The following ANXA11 variants were observed in gnomAD, a reference collection of about 807,000 sequenced individuals.
The protein encoded by ANXA11 is 56 kDa autoantigen.
ANXA11 carries 57 observed loss-of-function variants against 64.7 expected under a neutral mutation model. The observed-to-expected ratio is 0.88, with a 90% CI of 0.71 to 1.10. The LOEUF (loss-of-function observed/expected upper bound fraction) is 1.10. Among genes scored for constraint, ANXA11 ranks in the 50% least tolerant of loss-of-function variants. The pLI is 0.00. For synonymous variants in ANXA11, 260 were observed against 265.2 expected (o/e 0.98, Z 0.19); for missense variants, 675 against 670.7 (o/e 1.01, Z -0.07).
intron 15 of ANXA11, chr10:80,157,016 A>G: frequency 1.0e-6 from 1 of 985,446 alleles, no homozygotes; most frequent in Non-Finnish European, 1.2e-6. Flanking sequence ...TGGCTCTGCC[A>G]CACAGCGATA....
At chr10:80,189,108 G>A (rs909270443) in intron 1 of ANXA11, among the ~76,000 whole-genome samples, 4 of 152,196 alleles carry the variant, frequency 2.6e-5, no homozygotes, top group African/African-American at 9.7e-5. Context: ...AGGGTTACCC[G>A]CCATGAAATG....
In ANXA11 at chr10:80,163,558, C is replaced by T. The variant is rs765176261; in HGVS notation, c.1005G>A (p.Gln335=). The change falls in exon 10 of 16, where the codon CAG becomes CAA. Residue 335 remains glutamine, a synonymous_variant. Transcript: ENST00000422982. ...AIRSDTSGHF[Q]RLLISLSQGN... ...CCTGAGAGAGAGAGATGAGGAGCCGCTGGAAGTGCCCTGATGTGTCGCTTC... is the reference window on the plus strand; with the variant it reads ...CCTGAGAGAGAGAGATGAGGAGCCGTTGGAAGTGCCCTGATGTGTCGCTTC... 9 of 1,574,616 alleles carry T rather than the reference C, an allele frequency of 5.7e-6. No individual in the cohort carries two copies. In the Admixed American group the frequency reaches 1.5e-4, roughly 26 times the overall value.
At chr10:80,204,431 G>GCAGGT (rs1240199990) in intron 1 of ANXA11, among the ~76,000 whole-genome samples, 7 of 152,242 alleles carry the variant, frequency 4.6e-5, no homozygotes, top group Non-Finnish European at 8.8e-5. Flanking sequence ...GCAGGGCAGG[G>GCAGGT]CAGGGCAGGG....
intron 1 of ANXA11, among the ~76,000 whole-genome samples, chr10:80,193,534 T>A (rs1480676237): frequency 6.6e-6 from 1 of 152,104 alleles, no homozygotes; most frequent in Admixed American, 6.5e-5. Flanking sequence ...TCCTTTATCA[T>A]CTAACTTTAG....
At chr10:80,170,554 G>A (rs1398309306) in intron 4 of ANXA11, among the ~76,000 whole-genome samples, 1 of 152,168 alleles carries the variant, frequency 6.6e-6, no homozygotes, top group Admixed American at 6.5e-5. Context: ...GGGCTGAAAG[G>A]GACCTGTGAG....
Position 80,166,903 on chromosome 10 carries a change from G to A in ANXA11, c.731C>T (p.Thr244Met), listed in dbSNP as rs41310298. The change falls in exon 7 of 16, where the codon ACG (threonine) becomes ATG (methionine). Residue 244 changes from threonine (T) to methionine (M), a missense_variant. Thr to Met is a moderately conservative substitution (Grantham distance 81, BLOSUM62 -1). Coordinates refer to ENST00000422982, the MANE Select transcript of ANXA11 (RefSeq NM_145868.2). ...CCCGCAGCTCGCCTTGCCGTAAGCC[G>A]TCTTGAAGGAAAGTAGGATCTGCTG... is the stretch of plus-strand genomic sequence containing the variant. ...QRQQILLSFK[T>M]AYGKDLIKDL... 3.3e-3 allele frequency: 5,367 copies of A among 1,607,262 alleles called. 18 individuals are homozygous for A. Among genetic ancestry groups the A allele is most frequent in the Non-Finnish European group, 4.2e-3 (4,997 of 1,177,518 alleles).
At chr10:80,165,347 C>T (rs1845678874) in intron 8 of ANXA11, among the ~76,000 whole-genome samples, 1 of 152,210 alleles carries the variant, frequency 6.6e-6, no homozygotes, top group Non-Finnish European at 1.5e-5. Flanking sequence ...CTGCCTGCCC[C>T]TGCCTGCAGG....
In ANXA11 at chr10:80,173,257, G is replaced by A. The variant is rs12263046; in HGVS notation, c.-8-388C>T. 6.4e-3 allele frequency among the ~76,000 whole-genome samples: 971 copies of A among 152,316 alleles called. 5 individuals are homozygous for A. Among genetic ancestry groups the A allele is most frequent in the African/African-American group, 0.022 (903 of 41,566 alleles). ...TAGAGACGCACTGCCTCATTCTCAG[G>A]ACTCCAGGTCTGTCTATTTATCTTC... On this transcript the variant is annotated intron_variant, in intron 2 of 15. Coordinates refer to ENST00000422982, the MANE Select transcript of ANXA11 (RefSeq NM_145868.2).
chr10:80,166,046 A>ACGCATGCGCGCGTGTG, intron 8 of ANXA11, 38 bp downstream of exon 8: 1 of 305,168 alleles, frequency 3.3e-6, no homozygotes, highest in African/African-American at 3.3e-5. Context: ...ACGCGCGCAC[A>ACGCATGCGCGCGTGTG]CACACACACA....
chr10:80,166,020 GCGCGCGTGCGCACACACGCGCGCACA>G, intron 8 of ANXA11, 38 bp downstream of exon 8: 2 of 1,030,366 alleles, frequency 1.9e-6, no homozygotes, highest in Admixed American at 2.1e-5. Flanking sequence ...CCACACGCAT[GCGCGCGTGCGCACACACGCGCGCACA>G]CACACACACA....
chr10:80,195,283 C>T (rs960726897), intron 1 of ANXA11, among the ~76,000 whole-genome samples: 1 of 152,220 alleles, frequency 6.6e-6, no homozygotes, highest in Non-Finnish European at 1.5e-5. Flanking sequence ...TCAAGGTCTG[C>T]TCTTCAGATG....
chr10:80,170,037 A>C (rs1420107616), intron 4 of ANXA11, among the ~76,000 whole-genome samples: 1 of 151,914 alleles, frequency 6.6e-6, no homozygotes, highest in African/African-American at 2.4e-5. Context: ...GCTAACTTAA[A>C]ATCATTATCC....
At chr10:80,205,298 G>A (rs77173562) in intron 1 of ANXA11, 45 bp downstream of exon 1, 9,598 of 151,444 alleles carry the variant, frequency 0.063, 406 homozygotes, top group Non-Finnish European at 0.099. Context: ...GTGCACTGCC[G>A]CCGCCTGGTC....
At chr10:80,191,397 A>G (rs1164816018) in intron 1 of ANXA11, among the ~76,000 whole-genome samples, 1 of 152,118 alleles carries the variant, frequency 6.6e-6, no homozygotes, top group Non-Finnish European at 1.5e-5. Context: ...CAAAAAACAA[A>G]AACAAACAAC....
intron 2 of ANXA11, 178 bp from the exon 3 acceptor site, chr10:80,173,047 A>G (rs144869415): frequency 2.7e-4 from 156 of 586,680 alleles, no homozygotes; most frequent in African/African-American, 2.3e-3. Flanking sequence ...CTCCAGCTAG[A>G]AACAGTACCC....
chr10:80,186,799 C>G (rs1307521976), intron 1 of ANXA11, among the ~76,000 whole-genome samples: 2 of 152,218 alleles, frequency 1.3e-5, no homozygotes, highest in Admixed American at 6.5e-5. Context: ...CGAGAGCACA[C>G]AGCGTCACAC....
At chr10:80,168,854 C>G in intron 5 of ANXA11, 115 bp downstream of exon 5, 2 of 1,215,288 alleles carry the variant, frequency 1.6e-6, no homozygotes, top group Non-Finnish European at 2.2e-6. Context: ...TTTGTTAAAA[C>G]AAGAAGTGCA....
chr10:80,181,392 G>A (rs1846349528), intron 1 of ANXA11: 1 of 152,164 alleles, frequency 6.6e-6, no homozygotes, highest in Non-Finnish European at 1.5e-5. Flanking sequence ...AGCCTGGGAG[G>A]TGGAGGTTGC....
At chr10:80,166,221 AC>A in intron 7 of ANXA11, 24 bp from the exon 8 acceptor site, 4 of 1,370,774 alleles carry the variant, frequency 2.9e-6, no homozygotes, top group Admixed American at 3.9e-5. Flanking sequence ...CAAACAAACA[AC>A]CAACAAAAAA....
Sources: gnomAD v4.1 joint callset for allele counts (sites outside exome capture counted in the v4.1 genomes callset) on GRCh38, gnomAD v4.1.1 for gene constraint, MANE v1.5 for transcripts, NCBI Gene and HGNC (gene_info 2026-07-23, HGNC 2026-07-21) for gene names.